TNC: variants seen among roughly 807,000 people sequenced by gnomAD.
TNC encodes the protein tenascin C, also known as tenascin.
A neutral mutation model predicts 202.4 loss-of-function variants in TNC; 109 were observed. That is an observed-to-expected ratio of 0.54 (90% CI 0.46 to 0.63). The LOEUF (loss-of-function observed/expected upper bound fraction) is 0.63, where lower values mean the gene tolerates loss of function less well. Among genes scored for constraint, TNC ranks in the 30% least tolerant of loss-of-function variants. The probability of loss-of-function intolerance (pLI) is 0.00; values close to 1 mark genes in which losing one functional copy is unlikely to be tolerated. For missense variants in TNC, 2,756 were observed against 2,833.3 expected, an observed-to-expected ratio of 0.97 and a Z score of 0.62; for synonymous variants, 1,007 against 1,089.7, an observed-to-expected ratio of 0.92 and a Z score of 1.50.
At chr9:115,032,511 G>T (rs1430322647) in intron 22 of TNC, among the ~76,000 whole-genome samples, 1 of 152,120 alleles carries the variant, frequency 6.6e-6, no homozygotes, top group Non-Finnish European at 1.5e-5. Flanking sequence ...TTAGGTCAGT[G>T]GTCCCTAAAT....
chr9:115,062,989 G>T lies in TNC; in HGVS notation c.3961C>A (p.Pro1321Thr), dbSNP rs1473218850. Residue 1321 changes from proline (P) to threonine (T), a missense_variant, in exon 13 of 28, where the codon CCT (proline) becomes ACT (threonine). Transcript: ENST00000350763. Reference protein sequence around the residue: ...MEIPGLRAGTPYTVTLHGEVR... With the variant: ...MEIPGLRAGTTYTVTLHGEVR... ...TCGCCGTGCAGGGTGACTGTGTAAG[G>T]AGTGCCAGCCCTGAGGCCTGGGATT... 2 of 1,614,122 alleles carry T rather than the reference G, an allele frequency of 1.2e-6. No homozygotes were observed. Among genetic ancestry groups the T allele is most frequent in the Admixed American group, 1.7e-5 (1 of 60,010 alleles).
At chr9:115,037,863 T>A (rs1830449382) in intron 20 of TNC, among the ~76,000 whole-genome samples, 2 of 152,230 alleles carry the variant, frequency 1.3e-5, no homozygotes, top group South Asian at 4.1e-4. Flanking sequence ...CTGCTAAAAC[T>A]AGCTTCTTTT....
At chr9:115,065,327 T>C (rs1832866171) in intron 10 of TNC, among the ~76,000 whole-genome samples, 1 of 152,096 alleles carries the variant, frequency 6.6e-6, no homozygotes, top group East Asian at 1.9e-4. Context: ...ACACAGAAGG[T>C]GGAGGTTGCA....
intron 25 of TNC, among the ~76,000 whole-genome samples, chr9:115,028,018 T>C (rs1201817068): frequency 6.6e-6 from 1 of 152,220 alleles, no homozygotes; most frequent in Non-Finnish European, 1.5e-5. Context: ...GTTCCAGGTT[T>C]ATTTCCCAAA....
intron 10 of TNC, among the ~76,000 whole-genome samples, chr9:115,067,087 G>C (rs892495701): frequency 2.6e-5 from 4 of 152,214 alleles, no homozygotes; most frequent in African/African-American, 9.7e-5. Context: ...TGCAAGTGAT[G>C]TATCTAGATT....
chr9:115,097,024 T>C (rs1835848773), intron 1 of TNC, among the ~76,000 whole-genome samples: 1 of 152,200 alleles, frequency 6.6e-6, no homozygotes, highest in Non-Finnish European at 1.5e-5. Context: ...CTCCCGTTTC[T>C]CTGCTGTCCT....
At chr9:115,021,413 GC>G in intron 27 of TNC, 146 bp from the exon 28 acceptor site, 1 of 605,736 alleles carries the variant, frequency 1.7e-6, no homozygotes, top group Non-Finnish European at 2.9e-6. Flanking sequence ...GTATATCACA[GC>G]TGCCTCTTGC....
chr9:115,065,901 C>CAAAAAA (rs35177151), intron 10 of TNC, among the ~76,000 whole-genome samples: 18 of 46,636 alleles, frequency 3.9e-4, no homozygotes, highest in East Asian at 1.6e-3. Flanking sequence ...GACTCCATCT[C>CAAAAAA]AAAAAAAAAA....
rs1416983935 is a variant in TNC, at chr9:115,024,005, T to C, written c.6463A>G (p.Met2155Val). The C allele has an allele frequency of 6.2e-7, 1 of 1,613,944 alleles. No individual in the cohort carries two copies. Among genetic ancestry groups the C allele is most frequent in the Non-Finnish European group, 8.5e-7 (1 of 1,179,944 alleles). Reference sequence around the variant, plus strand: ...TGGTTATTGTCCCCATATCTCCCCATCAGGTTGACACGGTGACAGTTCCTG... The same window carrying C: ...TGGTTATTGTCCCCATATCTCCCCACCAGGTTGACACGGTGACAGTTCCTG... The part of the protein sequence containing the change: ...WYRNCHRVNL[M>V]GRYGDNNHSQ... Residue 2155 changes from methionine (M) to valine (V), a missense_variant, in exon 27 of 28, where the codon ATG becomes GTG. Coordinates refer to ENST00000350763, the MANE Select transcript of TNC (RefSeq NM_002160.4).
intron 18 of TNC, among the ~76,000 whole-genome samples, chr9:115,041,299 C>CCG (rs1554793992): frequency 3.8e-5 from 3 of 79,674 alleles, no homozygotes; most frequent in Admixed American, 1.1e-4. Flanking sequence ...AAAAACAAAG[C>CCG]CAGGAGGGGC....
chr9:115,084,059 A>G, intron 4 of TNC, 150 bp downstream of exon 4: 1 of 830,010 alleles, frequency 1.2e-6, no homozygotes, highest in East Asian at 2.5e-5. Context: ...GATTTCTTTA[A>G]TAAGTGATTC....
intron 9 of TNC, among the ~76,000 whole-genome samples, chr9:115,074,813 C>T (rs777211926): frequency 1.3e-5 from 2 of 152,074 alleles, no homozygotes; most frequent in Admixed American, 6.6e-5. Flanking sequence ...CACACACATA[C>T]GAATGAGTGT....
chr9:115,049,378 T>C (rs1344733644), intron 15 of TNC, among the ~76,000 whole-genome samples: 1 of 152,148 alleles, frequency 6.6e-6, no homozygotes, highest in East Asian at 1.9e-4. Context: ...TTATCCTAGT[T>C]AGTCTTCAAA....
chr9:115,022,491 C>A (rs1829150501), intron 27 of TNC, among the ~76,000 whole-genome samples: 1 of 152,192 alleles, frequency 6.6e-6, no homozygotes, highest in African/African-American at 2.4e-5. Context: ...CCTGTGGCTC[C>A]TTTCCATGTC....
intron 9 of TNC, among the ~76,000 whole-genome samples, chr9:115,075,636 T>G (rs940757571): frequency 6.6e-6 from 1 of 151,974 alleles, no homozygotes; most frequent in African/African-American, 2.4e-5. Flanking sequence ...AATACAAAAA[T>G]TAGCTGGGCG....
intron 1 of TNC, among the ~76,000 whole-genome samples, chr9:115,093,790 G>T (rs1835409170): frequency 6.6e-6 from 1 of 152,208 alleles, no homozygotes; most frequent in African/African-American, 2.4e-5. Context: ...AATGACCAGA[G>T]TGTGAGTAGA....
intron 23 of TNC, among the ~76,000 whole-genome samples, chr9:115,030,847 TCTTA>T (rs1742575482): frequency 6.6e-6 from 1 of 152,202 alleles, no homozygotes; most frequent in South Asian, 2.1e-4. Flanking sequence ...TGGATGCCAC[TCTTA>T]CTTATCAATG....
chr9:115,028,053 A>G (rs1025122929), intron 25 of TNC, among the ~76,000 whole-genome samples: 1 of 152,132 alleles, frequency 6.6e-6, no homozygotes, highest in African/African-American at 2.4e-5. Context: ...TGGAACTTCT[A>G]TACATCTCTG....
chr9:115,086,674 G>C lies in TNC; in HGVS notation c.1057C>G (p.Gln353Glu). The C allele has an allele frequency of 6.2e-7, 1 of 1,614,152 alleles. No homozygotes were observed. The highest frequency in any genetic ancestry group is 8.5e-7 in the Non-Finnish European group (1 of 1,180,042). ...CACTGCCCCTCCTCACACCGGCCCT[G>C]GGTGTGGCAGGCATGTGGGCAGGTG... ...KPTCPHACHT[Q>E]GRCEEGQCVC... is the part of the protein sequence containing the mutation. The change falls in exon 3 of 28, where the codon CAG becomes GAG. Residue 353 changes from glutamine (Q) to glutamate (E), a missense_variant. This residue lies in a region of TNC where 2,559 missense variants were observed against 2,546.0 expected (regional missense o/e 1.01). Transcript: ENST00000350763.
Sources: allele counts gnomAD v4.1 joint callset (sites outside exome capture counted in the v4.1 genomes callset), GRCh38; gene constraint gnomAD v4.1.1; regional missense constraint gnomAD v4.1.1; transcripts MANE v1.5; gene names NCBI Gene and HGNC (gene_info 2026-07-23, HGNC 2026-07-21).